Variants in GRIK1 observed in about 807,000 individuals in gnomAD.
The protein encoded by GRIK1 is glutamate ionotropic receptor kainate type subunit 1, also known as glutamate receptor ionotropic, kainate 1.
In GRIK1, 69 loss-of-function variants were observed where a neutral mutation model predicts 105.7. The ratio of observed to expected loss-of-function variants is 0.65; its 90% CI spans 0.54 to 0.80. The LOEUF is 0.80. GRIK1 is among the 30% of genes least tolerant of loss of function. The pLI is 0.00. For synonymous variants in GRIK1, 438 were observed against 431.3 expected, an observed-to-expected ratio of 1.02 and a Z score of -0.19; for missense variants, 1,109 against 1,167.3, an observed-to-expected ratio of 0.95 and a Z score of 0.73.
At chr21:29,867,398 G>A (rs1424745037) in intron 1 of GRIK1, among the ~76,000 whole-genome samples, 1 of 152,064 alleles carries the variant, frequency 6.6e-6, no homozygotes, top group Non-Finnish European at 1.5e-5. Context: ...GGGATAGGAG[G>A]GCTGAAGAGA....
At chr21:29,720,511 G>T (rs1216174958) in intron 1 of GRIK1, among the ~76,000 whole-genome samples, 2 of 152,016 alleles carry the variant, frequency 1.3e-5, no homozygotes, top group Admixed American at 1.3e-4. Flanking sequence ...GTGTGTGTGT[G>T]TATGCTGCGT....
Position 29,598,816 on chromosome 21 carries a change from G to A in GRIK1, c.1206+14C>T, listed in dbSNP as rs756221631. ...TCATTTGTTATTTTATTTATTTATT[G>A]TTAAGGAGGTTACCTTTTCAGTTCC... On this transcript the variant is annotated intron_variant, in intron 8 of 17. Coordinates refer to ENST00000327783, the MANE Select transcript of GRIK1 (RefSeq NM_001330994.2). 1 of 1,102,678 alleles carries A rather than the reference G, an allele frequency of 9.1e-7. No homozygotes were observed. The highest frequency in any genetic ancestry group is 1.3e-5 in the South Asian group (1 of 74,560). The allele number at this position is 1,102,678 out of a possible 1,614,324, so 68.3% of individuals were successfully genotyped here.
intron 1 of GRIK1, among the ~76,000 whole-genome samples, chr21:29,767,881 TG>T: frequency 6.6e-6 from 1 of 151,250 alleles, no homozygotes; most frequent in African/African-American, 2.4e-5. Flanking sequence ...TGTGTGTGTG[TG>T]TGTGTGTGTG....
intron 15 of GRIK1, among the ~76,000 whole-genome samples, chr21:29,561,181 G>C (rs1374489793): frequency 1.3e-5 from 2 of 152,064 alleles, no homozygotes; most frequent in Non-Finnish European, 2.9e-5. Context: ...GACTGATATA[G>C]CCTTGCTTTT....
chr21:29,735,183 C>T (rs1044790099), intron 1 of GRIK1, among the ~76,000 whole-genome samples: 12 of 152,166 alleles, frequency 7.9e-5, no homozygotes, highest in Admixed American at 7.2e-4. Context: ...TCTCCAGAGC[C>T]TAAAAAACTA....
chr21:29,876,603 A>G (rs921613067), intron 1 of GRIK1, among the ~76,000 whole-genome samples: 1 of 152,198 alleles, frequency 6.6e-6, no homozygotes, highest in African/African-American at 2.4e-5. Context: ...AGGGAAATGT[A>G]ATCTGTTGGG....
At chr21:29,637,177 A>G (rs2146506239) in intron 7 of GRIK1, among the ~76,000 whole-genome samples, 1 of 152,326 alleles carries the variant, frequency 6.6e-6, no homozygotes, top group Middle Eastern at 3.4e-3. Flanking sequence ...TGTGACCCAG[A>G]AAATAACTAA....
chr21:29,790,480 C>G (rs568523953), intron 1 of GRIK1, among the ~76,000 whole-genome samples: 2 of 150,110 alleles, frequency 1.3e-5, no homozygotes, highest in Admixed American at 6.6e-5. Flanking sequence ...TTTTTTGAGA[C>G]AGGGTCTTGC....
chr21:29,650,407 T>C (rs762000495), intron 6 of GRIK1, among the ~76,000 whole-genome samples: 2 of 152,200 alleles, frequency 1.3e-5, no homozygotes, highest in Non-Finnish European at 2.9e-5. Context: ...GGAAGCATTT[T>C]AAAAAATTAT....
intron 14 of GRIK1, among the ~76,000 whole-genome samples, chr21:29,564,241 G>T (rs965038627): frequency 1.3e-5 from 2 of 151,840 alleles, no homozygotes; most frequent in African/African-American, 4.8e-5. Context: ...TCCGCCTCCC[G>T]GGTTCACGCC....
chr21:29,651,553 T>A (rs2062737944), intron 5 of GRIK1, among the ~76,000 whole-genome samples: 1 of 152,168 alleles, frequency 6.6e-6, no homozygotes, highest in Non-Finnish European at 1.5e-5. Context: ...CATGCTGTCC[T>A]GCCTGGGACA....
intron 1 of GRIK1, among the ~76,000 whole-genome samples, chr21:29,704,562 C>T (rs527326270): frequency 1.2e-4 from 19 of 152,262 alleles, no homozygotes; most frequent in African/African-American, 4.3e-4. Context: ...ATGTTGTCCC[C>T]AGTAAATGGT....
At chr21:29,729,076 T>A (rs1455370851) in intron 1 of GRIK1, among the ~76,000 whole-genome samples, 3 of 152,084 alleles carry the variant, frequency 2.0e-5, no homozygotes, top group Non-Finnish European at 4.4e-5. Context: ...GTAAGATGAG[T>A]GATTGTGATT....
At chr21:29,880,212 T>C (rs1234260418) in intron 1 of GRIK1, among the ~76,000 whole-genome samples, 2 of 152,128 alleles carry the variant, frequency 1.3e-5, no homozygotes, top group Non-Finnish European at 2.9e-5. Context: ...ATCCCTTAAG[T>C]ATTGACAGGA....
chr21:29,643,249 A>G (rs987827027), intron 6 of GRIK1, among the ~76,000 whole-genome samples: 2 of 152,234 alleles, frequency 1.3e-5, no homozygotes, highest in African/African-American at 4.8e-5. Context: ...CAAGGAACAA[A>G]TATTTTGCGA....
intron 1 of GRIK1, among the ~76,000 whole-genome samples, chr21:29,736,867 C>G (rs938107442): frequency 6.6e-6 from 1 of 151,620 alleles, no homozygotes; most frequent in East Asian, 1.9e-4. Flanking sequence ...TTAGTAGAGA[C>G]GGGGTTTCAC....
chr21:29,560,400 C>CCTTTCTTTCTTT lies in GRIK1; in HGVS notation c.2356+1212_2356+1223dup, dbSNP rs1167564962. On this transcript the variant is annotated intron_variant, in intron 15 of 17. Coordinates refer to ENST00000327783, the MANE Select transcript of GRIK1 (RefSeq NM_001330994.2). The stretch of plus-strand genomic sequence containing the variant: ...TCCTTCCTTCCTTCCTTCCTTCCTT[C>CCTTTCTTTCTTT]CTTTCTTTCTTTCTTTCTTTCTTTC... Among the ~76,000 whole-genome samples the CCTTTCTTTCTTT allele has an allele frequency of 3.7e-3, 248 of 67,048 alleles. 12 individuals are homozygous for CCTTTCTTTCTTT. The highest frequency in any genetic ancestry group is 0.014 in the East Asian group (33 of 2,324). The allele number at this position is 67,048 out of a possible 152,430, so 44.0% of individuals were successfully genotyped here.
At chr21:29,768,879 A>G (rs185626553) in intron 1 of GRIK1, among the ~76,000 whole-genome samples, 1 of 152,298 alleles carries the variant, frequency 6.6e-6, no homozygotes, top group East Asian at 1.9e-4. Flanking sequence ...GTCAAATATA[A>G]CTTTCCACCA....
chr21:29,771,012 G>A (rs1045524179), intron 1 of GRIK1, among the ~76,000 whole-genome samples: 2 of 152,152 alleles, frequency 1.3e-5, no homozygotes, highest in African/African-American at 2.4e-5. Flanking sequence ...GTTGTATTAG[G>A]AAATTTTAAT....
Sources: gnomAD v4.1 joint callset for allele counts (sites outside exome capture counted in the v4.1 genomes callset) on GRCh38, gnomAD v4.1.1 for gene constraint, MANE v1.5 for transcripts, NCBI Gene and HGNC (gene_info 2026-07-23, HGNC 2026-07-21) for gene names.